The following PSG8 variants were observed in gnomAD, a reference collection of about 807,000 sequenced individuals.
PSG8 encodes the protein pregnancy-specific beta-1-glycoprotein 8.
In PSG8, 57 loss-of-function variants were observed where a neutral mutation model predicts 42.5. The ratio of observed to expected loss-of-function variants is 1.34; its 90% CI spans 1.08 to 1.67. The LOEUF is 1.67. PSG8 is among the 40% of genes most tolerant of loss of function. The pLI is 0.00. For synonymous variants in PSG8, 280 were observed against 196.8 expected (o/e 1.42, Z -3.54); for missense variants, 783 against 518.6 (o/e 1.51, Z -4.95).
Position 42,758,492 on chromosome 19 carries a change from C to T in PSG8, c.431-212G>A, listed in dbSNP as rs746566230. On this transcript the variant is annotated intron_variant, in intron 2 of 4. Transcript: ENST00000306511. ...CTTCATGTAGAAACACAGACTTTCTCAAGTGTGAATTGAGCAGCAGCATTG... is the reference window on the plus strand; with the variant it reads ...CTTCATGTAGAAACACAGACTTTCTTAAGTGTGAATTGAGCAGCAGCATTG... The T allele has an allele frequency of 7.6e-5, 84 of 1,107,676 alleles. No individual in the cohort carries two copies. The Middle Eastern group carries it at 1.3e-3, about 17-fold the overall frequency. 68.6% of individuals were successfully genotyped at this position (1,107,676 alleles called of 1,614,324 possible).
downstream of PSG8, among the ~76,000 whole-genome samples, chr19:42,753,611 T>C (rs1379109334): frequency 6.6e-6 from 1 of 152,210 alleles, no homozygotes; most frequent in Non-Finnish European, 1.5e-5. Flanking sequence ...GGCTCTCTTT[T>C]AAAATTTTCT....
rs765998483 is a variant in PSG8 at position 42,755,182 on chromosome 19, T to C, written c.794A>G (p.Lys265Arg). 6.2e-7 allele frequency: 1 copy of C among 1,611,854 alleles called. No individual in the cohort carries two copies. Among genetic ancestry groups the C allele is most frequent in the South Asian group, 1.1e-5 (1 of 90,964 alleles). ...KDVLNFTCEPKSENYTYIWWL... is the reference protein window; with the variant it reads ...KDVLNFTCEPRSENYTYIWWL... ...CCAAATGTAGGTGTAGTTCTCACTC[T>C]TAGGTTCACAGGTGAAGTTTAAGAC... The change falls in exon 4 of 5, where the codon AAG becomes AGG. Residue 265 changes from lysine (K) to arginine (R), a missense_variant. By Grantham distance (26) the Lys-to-Arg change is conservative. Transcript: ENST00000306511.
intron 3 of PSG8, among the ~76,000 whole-genome samples, chr19:42,757,786 C>A (rs180756126): frequency 1.3e-5 from 2 of 152,120 alleles, no homozygotes; most frequent in Admixed American, 6.5e-5. Flanking sequence ...AAGCTGTGGA[C>A]GCTGAGTCTC....
chr19:42,753,261 T>A, downstream of PSG8: 1 of 779,248 alleles, frequency 1.3e-6, no homozygotes, highest in South Asian at 1.3e-5. Flanking sequence ...AAATTTACAT[T>A]GAGTTGTCCA....
rs373621712 is a variant in PSG8 at position 42,759,487 on chromosome 19, G to A, written c.431-1207C>T. On this transcript the variant is annotated intron_variant, in intron 2 of 4. Transcript: ENST00000306511. ...TGTTTTGGATTTCTAATTTTTTTTT[G>A]TTTTGGAATATTTGCAGTACATGTA... is the stretch of plus-strand genomic sequence containing the variant. Among the ~76,000 whole-genome samples the A allele has an allele frequency of 5.3e-5, 8 of 151,840 alleles. No individual in the cohort carries two copies. In the East Asian group the frequency reaches 5.8e-4, roughly 11 times the overall value.
Position 42,754,290 on chromosome 19 carries a change from T to A in PSG8, c.*5A>T. ...ACTCTTCCCTGAAGGCCAGATAGAC[T>A]CCACCTAAATCCCTATTGCCAAGGA... On this transcript the variant is annotated 3_prime_UTR_variant, in exon 5 of 5. Coordinates refer to ENST00000306511, the MANE Select transcript of PSG8 (RefSeq NM_182707.3). 1.2e-6 allele frequency: 2 copies of A among 1,612,340 alleles called. No homozygotes were observed. Among genetic ancestry groups the A allele is most frequent in the South Asian group, 2.2e-5 (2 of 90,982 alleles).
At chr19:42,756,780 TG>T (rs1259142440) in intron 3 of PSG8, among the ~76,000 whole-genome samples, 1 of 152,056 alleles carries the variant, frequency 6.6e-6, no homozygotes, top group African/African-American at 2.4e-5. Context: ...CACCTTTTCA[TG>T]GTTGCCTCTT....
chr19:42,754,915 G>C (rs1969878868), intron 4 of PSG8, 73 bp downstream of exon 4: 28 of 1,571,702 alleles, frequency 1.8e-5, no homozygotes, highest in East Asian at 9.0e-5. Context: ...CAGAGAGAGA[G>C]TGAGAGGCCT....
At chr19:42,752,860 C>A (rs1212734281), downstream of PSG8, 3 of 206,122 alleles carry the variant, frequency 1.5e-5, no homozygotes, top group African/African-American at 2.3e-5. Flanking sequence ...TCTGCAAACA[C>A]ACGGGCAATA....
chr19:42,762,958 G>T (rs912586701), intron 2 of PSG8, among the ~76,000 whole-genome samples: 3 of 152,106 alleles, frequency 2.0e-5, no homozygotes, highest in South Asian at 2.1e-4. Flanking sequence ...TCCCCTTTGT[G>T]ATTGTGTGAC....
chr19:42,763,660 T>A, intron 2 of PSG8: 1 of 668,086 alleles, frequency 1.5e-6, no homozygotes. Context: ...CTGAGACTGA[T>A]CTCCTCCTGC....
chr19:42,763,638 TG>T (rs1461817050), intron 2 of PSG8: 1 of 582,656 alleles, frequency 1.7e-6, no homozygotes, highest in African/African-American at 1.9e-5. Context: ...GAAGAGGGCA[TG>T]AGGTGCTTGT....
intron 2 of PSG8, among the ~76,000 whole-genome samples, chr19:42,763,320 C>A (rs151064685): frequency 6.6e-6 from 1 of 152,144 alleles, no homozygotes; most frequent in Non-Finnish European, 1.5e-5. Flanking sequence ...CCTCTCCACT[C>A]TGAGTGTCAG....
At position 42,758,180 on chromosome 19, in the gene PSG8, G is replaced by T; in HGVS notation, c.531C>A (p.Ser177Arg). The T allele has an allele frequency of 6.2e-7, 1 of 1,614,058 alleles. No individual in the cohort carries two copies. ...LTCDPETPDA[S>R]YLWWMNGQSL... ...TCTGACCATTCATCCACCACAGGTA[G>T]CTTGCGTCCGGAGTCTCAGGATCAC... The change falls in exon 3 of 5, where the codon AGC becomes AGA. Residue 177 changes from serine to arginine, a missense_variant. By Grantham distance (110) the Ser-to-Arg change is moderately radical. Coordinates refer to ENST00000306511, the MANE Select transcript of PSG8 (RefSeq NM_182707.3).
Position 42,764,190 on chromosome 19 carries a change from A to G in PSG8, c.156T>C (p.Leu52=). ...TCTGGGGCAAATTGTGGACAAGTAG[A>G]AGAACATCCTTCCCCTCAGAAACTT... The part of the protein sequence containing the change: ...PTKVSEGKDV[L]LLVHNLPQNL... The change falls in exon 2 of 5, where the codon CTT becomes CTC. Residue 52 remains leucine, a synonymous_variant. Transcript: ENST00000306511. 1 of 1,613,834 alleles carries G rather than the reference A, an allele frequency of 6.2e-7. No individual in the cohort carries two copies. Among genetic ancestry groups the G allele is most frequent in the Non-Finnish European group, 8.5e-7 (1 of 1,179,878 alleles).
At chr19:42,765,473 C>T in intron 1 of PSG8, 45 bp downstream of exon 1, 1 of 1,606,122 alleles carries the variant, frequency 6.2e-7, no homozygotes, top group Non-Finnish European at 8.5e-7. Context: ...CATCCAGTCA[C>T]TCTGCTTCCT....
At chr19:42,759,321 G>T (rs1301106153) in intron 2 of PSG8, among the ~76,000 whole-genome samples, 3 of 152,148 alleles carry the variant, frequency 2.0e-5, no homozygotes, top group African/African-American at 7.2e-5. Context: ...TACGAGCTGG[G>T]ATCAGGGCAA....
At chr19:42,759,339 T>TTCCCATGCACAAC (rs1269589541) in intron 2 of PSG8, among the ~76,000 whole-genome samples, 1 of 152,072 alleles carries the variant, frequency 6.6e-6, no homozygotes, top group Non-Finnish European at 1.5e-5. Flanking sequence ...CAATAGGGCG[T>TTCCCATGCACAAC]TGTTCCATGG....
intron 2 of PSG8, among the ~76,000 whole-genome samples, chr19:42,761,820 ATTTTT>A (rs58868359): frequency 1.3e-3 from 88 of 70,392 alleles, no homozygotes; most frequent in African/African-American, 2.8e-3. Context: ...CATTTCAATA[ATTTTT>A]TTTTTTTTTT....
Sources: allele counts gnomAD v4.1 joint callset (sites outside exome capture counted in the v4.1 genomes callset), GRCh38; gene constraint gnomAD v4.1.1; transcripts MANE v1.5; gene names NCBI Gene and HGNC (gene_info 2026-07-23, HGNC 2026-07-21).